The following SNAP91 variants were observed in gnomAD, a reference collection of about 807,000 sequenced individuals.
SNAP91 encodes the protein synaptosome associated protein 91.
In SNAP91, 27 loss-of-function variants were observed where a neutral mutation model predicts 100.3. The observed-to-expected ratio is 0.27, with a 90% CI of 0.20 to 0.37. The LOEUF is 0.37. Among genes scored for constraint, SNAP91 ranks in the 10% least tolerant of loss-of-function variants. The pLI, the probability that SNAP91 is intolerant of heterozygous loss-of-function variation, is 1.00. For synonymous variants in SNAP91, 404 were observed against 398.6 expected (o/e 1.01, Z -0.16); for missense variants, 986 against 1,123.7 (o/e 0.88, Z 1.75).
chr6:83,570,894 C>T (rs1806212090), intron 26 of SNAP91, among the ~76,000 whole-genome samples: 1 of 152,116 alleles, frequency 6.6e-6, no homozygotes, highest in Non-Finnish European at 1.5e-5. Flanking sequence ...ATGGGGGCCC[C>T]CACACAGAGT....
Position 83,677,653 on chromosome 6 carries a change from A to C in SNAP91, c.131-12072T>G, listed in dbSNP as rs547471157. On this transcript the variant is annotated intron_variant, in intron 2 of 29. Transcript: ENST00000369694. ...TTGTGGCATTAACAATGTGACCTTA[A>C]GCATGTAATTCAATTTCCTTATCCT... Among the ~76,000 whole-genome samples the C allele has an allele frequency of 2.0e-5, 3 of 152,328 alleles. No individual in the cohort carries two copies. The East Asian group carries it at 5.8e-4, about 29-fold the overall frequency.
intron 7 of SNAP91, among the ~76,000 whole-genome samples, chr6:83,656,480 A>G (rs2098408257): frequency 6.6e-6 from 1 of 152,192 alleles, no homozygotes; most frequent in African/African-American, 2.4e-5. Context: ...GACACCAGCC[A>G]TCCACCAAGT....
intron 7 of SNAP91, among the ~76,000 whole-genome samples, chr6:83,642,730 G>A (rs1307268024): frequency 1.3e-5 from 2 of 152,110 alleles, no homozygotes; most frequent in Admixed American, 6.5e-5. Flanking sequence ...GAGTCAAATG[G>A]TATTTCTAGT....
At chr6:83,610,627 C>T in intron 12 of SNAP91, 23 bp downstream of exon 12, 1 of 601,090 alleles carries the variant, frequency 1.7e-6, no homozygotes, top group South Asian at 2.2e-5. Context: ...AACAAAAACC[C>T]CCAAACAAAA....
Position 83,656,758 on chromosome 6 carries a change from T to C in SNAP91, c.654A>G (p.Leu218=). 6.6e-7 allele frequency: 1 copy of C among 1,506,160 alleles called. No homozygotes were observed. The highest frequency in any genetic ancestry group is 1.2e-5 in the South Asian group (1 of 85,626). The allele number at this position is 1,506,160 out of a possible 1,614,324, so 93.3% of individuals were successfully genotyped here. A position where few individuals can be genotyped will look rare whatever the true frequency, so the allele number is the denominator to read the frequency against. Residue 218 remains leucine, a synonymous_variant, in exon 7 of 30, where the codon TTA becomes TTG. Coordinates refer to ENST00000369694, the MANE Select transcript of SNAP91 (RefSeq NM_001242792.2). ...TGTTTCGGTTGTTCCACCTACCGAG[T>C]AAGTTAATAACACCATCATTGTAGC... ...FACYNDGVIN[L]LEKFFEMKKG...
intron 20 of SNAP91, 50 bp from the exon 21 acceptor site, chr6:83,592,588 A>T (rs2093923357): frequency 6.9e-7 from 1 of 1,444,268 alleles, no homozygotes; most frequent in Admixed American, 1.9e-5. Flanking sequence ...AAGGGAAAAG[A>T]AAACCATGAG....
intron 13 of SNAP91, among the ~76,000 whole-genome samples, chr6:83,607,385 A>G (rs115888435): frequency 0.014 from 2,114 of 149,794 alleles, 43 homozygotes; most frequent in African/African-American, 0.05. Flanking sequence ...ATTTTAAAAT[A>G]CCTTTTGAAT....
intron 16 of SNAP91, among the ~76,000 whole-genome samples, chr6:83,597,073 A>T (rs1192924300): frequency 6.6e-6 from 1 of 152,182 alleles, no homozygotes; most frequent in East Asian, 1.9e-4. Flanking sequence ...TGTCAGCAAG[A>T]TATCTCCTTT....
rs192589554 is a variant in SNAP91, at chr6:83,599,399, C to T, written c.1324+1872G>A. On this transcript the variant is annotated intron_variant, in intron 16 of 29. Coordinates refer to ENST00000369694, the MANE Select transcript of SNAP91 (RefSeq NM_001242792.2). ...ATGCATCCTGTCCATATTTTCCTTA[C>T]TTTTTTTCTGTTAACACAAGCCTAT... 3.2e-3 allele frequency among the ~76,000 whole-genome samples: 493 copies of T among 152,232 alleles called. 14 individuals carry two copies. In the East Asian group the frequency reaches 0.034, roughly 11 times the overall value.
intron 3 of SNAP91, 100 bp from the exon 4 acceptor site, chr6:83,662,522 G>A: frequency 2.3e-6 from 1 of 434,354 alleles, no homozygotes; most frequent in South Asian, 5.9e-5. Flanking sequence ...ATTCTCATTG[G>A]GATCTCTTTT....
intron 2 of SNAP91, among the ~76,000 whole-genome samples, chr6:83,675,731 G>T (rs147720613): frequency 4.0e-4 from 60 of 151,350 alleles, no homozygotes; most frequent in Non-Finnish European, 7.8e-4. Context: ...CTTTATTACC[G>T]TAAGGGAGAT....
chr6:83,559,975 T>G (rs190989751), intron 28 of SNAP91, 129 bp downstream of exon 28: 46 of 743,846 alleles, frequency 6.2e-5, no homozygotes, highest in East Asian at 3.0e-4. Context: ...TCTTCCAAGC[T>G]CCCTTTACTT....
At position 83,582,193 on chromosome 6, in the gene SNAP91, A is replaced by C. The variant is rs1172161875; in HGVS notation, c.2149+29T>G. 5 of 1,611,106 alleles carry C rather than the reference A, an allele frequency of 3.1e-6. No homozygotes were observed. The East Asian group carries it at 1.1e-4, about 36-fold the overall frequency. On this transcript the variant is annotated intron_variant, in intron 23 of 29. Transcript: ENST00000369694. ...CTTTTTTTTATTACCAGGACACATG[A>C]AAAGAATGTTTGAAAGTCACTGCCT...
At chr6:83,646,146 C>T (rs1236869604) in intron 7 of SNAP91, among the ~76,000 whole-genome samples, 3 of 152,096 alleles carry the variant, frequency 2.0e-5, no homozygotes, top group African/African-American at 2.4e-5. Flanking sequence ...GTGGTTTTTG[C>T]AAATATTGTC....
chr6:83,679,019 G>A, intron 2 of SNAP91: 40 of 360,750 alleles, frequency 1.1e-4, no homozygotes, highest in South Asian at 2.9e-4. Context: ...AAACTCAGAT[G>A]GAAAATATTT....
At chr6:83,568,943 G>C (rs1458563980) in intron 26 of SNAP91, among the ~76,000 whole-genome samples, 1 of 152,152 alleles carries the variant, frequency 6.6e-6, no homozygotes, top group African/African-American at 2.4e-5. Context: ...TAAAGGAATA[G>C]AAGGTTGGAA....
At chr6:83,586,935 A>C (rs905737970) in intron 22 of SNAP91, among the ~76,000 whole-genome samples, 1 of 152,018 alleles carries the variant, frequency 6.6e-6, no homozygotes, top group African/African-American at 2.4e-5. Flanking sequence ...AACACCTTAA[A>C]ATTTTTACTC....
Position 83,591,078 on chromosome 6 carries a change from T to C in SNAP91, c.2014+133A>G, listed in dbSNP as rs944088868. On this transcript the variant is annotated intron_variant, in intron 22 of 29. Coordinates refer to ENST00000369694, the MANE Select transcript of SNAP91 (RefSeq NM_001242792.2). ...CCAACAGTCAGTTTTTCAATACTTG[T>C]CCCCTCCCTCAATTTTATGTCTTGA... is the stretch of plus-strand genomic sequence containing the variant. 4 of 622,094 alleles carry C rather than the reference T, an allele frequency of 6.4e-6. No individual in the cohort carries two copies. In the East Asian group the frequency reaches 8.4e-5, roughly 13 times the overall value. The allele number at this position is 622,094 out of a possible 1,614,324, so 38.5% of individuals were successfully genotyped here. A position where few individuals can be genotyped will look rare whatever the true frequency, so the allele number is the denominator to read the frequency against.
chr6:83,584,253 T>A (rs1832569834), intron 22 of SNAP91, among the ~76,000 whole-genome samples: 1 of 152,312 alleles, frequency 6.6e-6, no homozygotes, highest in South Asian at 2.1e-4. Flanking sequence ...ACTCTTGACT[T>A]CTTAAAACTT....
Sources: allele counts gnomAD v4.1 joint callset (sites outside exome capture counted in the v4.1 genomes callset), GRCh38; gene constraint gnomAD v4.1.1; transcripts MANE v1.5; gene names NCBI Gene and HGNC (gene_info 2026-07-23, HGNC 2026-07-21).